Variants in COL19A1 observed in about 807,000 individuals in gnomAD.
COL19A1 encodes collagen alpha-1(XIX) chain.
A neutral mutation model predicts 190.2 loss-of-function variants in COL19A1; 159 were observed. The observed-to-expected ratio is 0.84, with a 90% confidence interval of 0.73 to 0.95. COL19A1 has a LOEUF of 0.95. COL19A1 is among the 40% of genes least tolerant of loss of function. COL19A1 has a pLI of 0.00. For synonymous variants in COL19A1, 509 were observed against 458.9 expected, an observed-to-expected ratio of 1.11 and a Z score of -1.39; for missense variants, 1,418 against 1,431.9, an observed-to-expected ratio of 0.99 and a Z score of 0.16.
chr6:70,071,857 G>T (rs915602995), intron 15 of COL19A1, among the ~76,000 whole-genome samples: 3 of 152,080 alleles, frequency 2.0e-5, no homozygotes, highest in Admixed American at 1.3e-4. Flanking sequence ...ATTCTTGAAG[G>T]GTTCAGCAGA....
chr6:69,908,217 C>A (rs1388501244), intron 4 of COL19A1, among the ~76,000 whole-genome samples: 1 of 152,186 alleles, frequency 6.6e-6, no homozygotes, highest in Non-Finnish European at 1.5e-5. Context: ...TTGTTCAGAA[C>A]TCTGATATCG....
intron 15 of COL19A1, among the ~76,000 whole-genome samples, chr6:70,090,446 G>A (rs1339061676): frequency 2.0e-5 from 3 of 152,036 alleles, no homozygotes; most frequent in Non-Finnish European, 4.4e-5. Flanking sequence ...GAGAGGGTGT[G>A]TGTAGCTTAT....
chr6:70,082,403 CT>C lies in COL19A1; in HGVS notation c.1224+13933del, dbSNP rs1368549101. 8.5e-5 allele frequency among the ~76,000 whole-genome samples: 13 copies of C among 152,084 alleles called. No homozygotes were observed. In the South Asian group the frequency reaches 2.1e-3, roughly 24 times the overall value. On this transcript the variant is annotated intron_variant, in intron 15 of 50. Coordinates refer to ENST00000620364, the MANE Select transcript of COL19A1 (RefSeq NM_001858.6). Reference sequence around the variant, plus strand: ...GTCATTAAAACAAAATAATGAAGCACTTTTTTAATTAATTAATTAATTTCTG... The same window carrying C: ...GTCATTAAAACAAAATAATGAAGCACTTTTTAATTAATTAATTAATTTCTG...
intron 16 of COL19A1, 50 bp downstream of exon 16, chr6:70,102,272 C>A: frequency 7.6e-7 from 1 of 1,318,824 alleles, no homozygotes; most frequent in Non-Finnish European, 1.1e-6. Flanking sequence ...GTCTTTATGT[C>A]TGTGTGTTTA....
rs755450901 is a variant in COL19A1 at position 70,161,920 on chromosome 6, CATTCCAGGT to C, written c.2314_2322del (p.Ile772_Gly774del). The C allele has an allele frequency of 3.7e-6, 6 of 1,607,674 alleles. No individual in the cohort carries two copies. Among genetic ancestry groups the C allele is most frequent in the East Asian group, 2.2e-5 (1 of 44,576 alleles). Reference sequence around the variant, plus strand: ...TCCAGGGTCTTCAAGGAATTCCAGGCATTCCAGGTGCTCCAGGCCCGACTGGACCCCCTG... The same window carrying C: ...TCCAGGGTCTTCAAGGAATTCCAGGCGCTCCAGGCCCGACTGGACCCCCTG... On this transcript the variant is annotated inframe_deletion, in exon 35 of 51. Coordinates refer to ENST00000620364, the MANE Select transcript of COL19A1 (RefSeq NM_001858.6).
intron 1 of COL19A1, among the ~76,000 whole-genome samples, chr6:69,869,663 C>A (rs1767704930): frequency 6.6e-6 from 1 of 151,898 alleles, no homozygotes; most frequent in Admixed American, 6.6e-5. Context: ...CACAACAGAG[C>A]AAGAGAATTG....
At chr6:70,094,364 A>G (rs1167765898) in intron 15 of COL19A1, among the ~76,000 whole-genome samples, 1 of 152,176 alleles carries the variant, frequency 6.6e-6, no homozygotes, top group Non-Finnish European at 1.5e-5. Context: ...TTTCCTTAAT[A>G]CCTTGTTCAG....
intron 42 of COL19A1, among the ~76,000 whole-genome samples, chr6:70,176,926 T>C (rs561390851): frequency 1.3e-5 from 2 of 152,350 alleles, no homozygotes; most frequent in African/African-American, 4.8e-5. Flanking sequence ...AGAGTTCTTA[T>C]CCTCAGGCAT....
At chr6:69,933,557 A>G (rs1282292941) in intron 7 of COL19A1, among the ~76,000 whole-genome samples, 1 of 152,076 alleles carries the variant, frequency 6.6e-6, no homozygotes, top group Admixed American at 6.6e-5. Context: ...TTGGAAGTGA[A>G]ATATAAATGC....
intron 17 of COL19A1, among the ~76,000 whole-genome samples, chr6:70,122,441 C>T (rs921805760): frequency 3.3e-5 from 5 of 151,870 alleles, no homozygotes; most frequent in East Asian, 1.9e-4. Context: ...TTGGGATAGG[C>T]GGAATGCTGA....
At chr6:69,996,916 TTGTGTG>T (rs200468204) in intron 11 of COL19A1, among the ~76,000 whole-genome samples, 2 of 146,024 alleles carry the variant, frequency 1.4e-5, no homozygotes, top group South Asian at 2.2e-4. Flanking sequence ...TCAAAAAGAC[TTGTGTG>T]TGTGTGTGTG....
intron 16 of COL19A1, among the ~76,000 whole-genome samples, chr6:70,119,724 TC>T (rs2150209482): frequency 6.6e-6 from 1 of 152,290 alleles, no homozygotes; most frequent in South Asian, 2.1e-4. Context: ...GATGGGACAT[TC>T]CTCCTGTCAT....
chr6:69,985,024 T>G (rs566587626), intron 11 of COL19A1, among the ~76,000 whole-genome samples: 1 of 152,184 alleles, frequency 6.6e-6, no homozygotes, highest in Admixed American at 6.5e-5. Flanking sequence ...TTAATTTGGG[T>G]AGGTTCAAAA....
chr6:70,103,541 T>G (rs565830885), intron 16 of COL19A1, among the ~76,000 whole-genome samples: 1 of 152,350 alleles, frequency 6.6e-6, no homozygotes, highest in Admixed American at 6.5e-5. Context: ...ATGGTTTGCC[T>G]TTTACCTGCC....
chr6:70,077,956 A>T (rs1781991170), intron 15 of COL19A1, among the ~76,000 whole-genome samples: 1 of 152,140 alleles, frequency 6.6e-6, no homozygotes, highest in Admixed American at 6.5e-5. Context: ...GTTGCTTCAC[A>T]CTCTCCATTG....
intron 4 of COL19A1, among the ~76,000 whole-genome samples, chr6:69,916,372 G>T (rs1278372491): frequency 7.9e-5 from 12 of 152,144 alleles, no homozygotes; most frequent in Non-Finnish European, 1.0e-4. Flanking sequence ...GAAATGTTTG[G>T]TGAAAACTTC....
chr6:70,048,608 G>T (rs1203601515), intron 14 of COL19A1, among the ~76,000 whole-genome samples: 1 of 151,994 alleles, frequency 6.6e-6, no homozygotes, highest in Non-Finnish European at 1.5e-5. Context: ...AACTGTAGTT[G>T]TTCATATTAT....
At chr6:69,878,309 G>T (rs1313185297) in intron 1 of COL19A1, among the ~76,000 whole-genome samples, 1 of 151,818 alleles carries the variant, frequency 6.6e-6, no homozygotes, top group Admixed American at 6.6e-5. Context: ...CACCTCCCAG[G>T]TTCAAGTGAT....
At chr6:70,068,089 T>C (rs901967633) in intron 14 of COL19A1, among the ~76,000 whole-genome samples, 14 of 152,054 alleles carry the variant, frequency 9.2e-5, no homozygotes, top group African/African-American at 3.1e-4. Context: ...TAAAGAGGTA[T>C]CTTTTTCTGC....
Sources: gnomAD v4.1 joint callset for allele counts (sites outside exome capture counted in the v4.1 genomes callset) on GRCh38, gnomAD v4.1.1 for gene constraint, MANE v1.5 for transcripts, NCBI Gene and HGNC (gene_info 2026-07-23, HGNC 2026-07-21) for gene names.